ERC2: variants seen among roughly 807,000 people sequenced by gnomAD.
The protein encoded by ERC2 is ERC protein 2.
In ERC2, 42 loss-of-function variants were observed where a neutral mutation model predicts 114.8. The observed-to-expected ratio is 0.37, with a 90% CI of 0.29 to 0.47. The LOEUF (loss-of-function observed/expected upper bound fraction) is 0.47, where lower values mean the gene tolerates loss of function less well. ERC2 is among the 20% of genes least tolerant of loss of function. ERC2 has a pLI of 0.99. For synonymous variants in ERC2, 454 were observed against 425.5 expected (o/e 1.07, Z -0.82); for missense variants, 939 against 1,150.7 (o/e 0.82, Z 2.66).
chr3:56,091,467 T>TG (rs1365866216), intron 6 of ERC2, among the ~76,000 whole-genome samples: 1 of 152,136 alleles, frequency 6.6e-6, no homozygotes, highest in African/African-American at 2.4e-5. Flanking sequence ...AGGAAACATA[T>TG]GAAAAGCAAA....
chr3:56,431,109 G>A (rs541549729), intron 2 of ERC2, among the ~76,000 whole-genome samples: 2 of 152,132 alleles, frequency 1.3e-5, no homozygotes, highest in Non-Finnish European at 2.9e-5. Context: ...CACTAAATAA[G>A]ATAATGTACA....
intron 3 of ERC2, among the ~76,000 whole-genome samples, chr3:56,249,401 C>A (rs1218395198): frequency 6.6e-6 from 1 of 152,048 alleles, no homozygotes; most frequent in Non-Finnish European, 1.5e-5. Context: ...TCTCAGCTCA[C>A]TGCAAGCTCC....
chr3:56,182,504 G>A (rs1221779315), intron 3 of ERC2, among the ~76,000 whole-genome samples: 1 of 152,206 alleles, frequency 6.6e-6, no homozygotes, highest in Non-Finnish European at 1.5e-5. Context: ...TATGCGCTAA[G>A]CACTCTTTTA....
In ERC2 at chr3:56,154,607, T is replaced by C. The variant is rs184143933; in HGVS notation, c.1150-5475A>G. 1.2e-4 allele frequency among the ~76,000 whole-genome samples: 18 copies of C among 152,236 alleles called. No homozygotes were observed. In the East Asian group the frequency reaches 3.3e-3, roughly 28 times the overall value. On this transcript the variant is annotated intron_variant, in intron 4 of 17. Transcript: ENST00000288221. The stretch of plus-strand genomic sequence containing the variant: ...TCTTTGAAGTTATGATCTCCATATA[T>C]TAATTTGTTCTTGTTGTTAATGGAC...
At chr3:55,689,685 G>A (rs1035282870) in intron 16 of ERC2, among the ~76,000 whole-genome samples, 1 of 151,884 alleles carries the variant, frequency 6.6e-6, no homozygotes, top group Non-Finnish European at 1.5e-5. Context: ...AAGAAAATGA[G>A]GGGAGGCTGA....
chr3:55,643,211 A>G (rs1486722553), intron 17 of ERC2, among the ~76,000 whole-genome samples: 2 of 152,210 alleles, frequency 1.3e-5, no homozygotes, highest in Admixed American at 6.5e-5. Context: ...ATCATCATAG[A>G]TTTAGAATGC....
chr3:56,138,060 T>C (rs983054505), intron 6 of ERC2, among the ~76,000 whole-genome samples: 348 of 141,212 alleles, frequency 2.5e-3, no homozygotes, highest in African/African-American at 8.7e-3. Flanking sequence ...TCTTTTTTTT[T>C]TTTTTTTTTT....
intron 1 of ERC2, among the ~76,000 whole-genome samples, chr3:56,452,990 G>A (rs775690437): frequency 6.6e-6 from 1 of 152,044 alleles, no homozygotes; most frequent in Admixed American, 6.6e-5. Context: ...AAATAACAGC[G>A]TTAAACATCT....
intron 15 of ERC2, among the ~76,000 whole-genome samples, chr3:55,700,749 T>C (rs2063183658): frequency 6.6e-6 from 1 of 152,176 alleles, no homozygotes. Context: ...GGGTGACACG[T>C]GCCTCCTGCA....
chr3:55,833,958 TC>T (rs1357762254), intron 14 of ERC2, among the ~76,000 whole-genome samples: 2 of 151,594 alleles, frequency 1.3e-5, no homozygotes, highest in South Asian at 2.1e-4. Flanking sequence ...GGGGTTGCAA[TC>T]CTAGTCTCTG....
At chr3:55,973,948 T>C (rs1034582858) in intron 12 of ERC2, among the ~76,000 whole-genome samples, 2 of 152,144 alleles carry the variant, frequency 1.3e-5, no homozygotes, top group African/African-American at 2.4e-5. Flanking sequence ...CCAAACATTT[T>C]AATTTTAGAA....
chr3:56,095,258 T>C (rs1050549850), intron 6 of ERC2, among the ~76,000 whole-genome samples: 1 of 152,038 alleles, frequency 6.6e-6, no homozygotes, highest in Admixed American at 6.6e-5. Flanking sequence ...TATAGATATA[T>C]GAAAAAATTT....
rs77631492 is a variant in ERC2 at position 55,543,458 on chromosome 3, G to A, written c.*40-32182C>T. On this transcript the variant is annotated intron_variant, in intron 17 of 17. Transcript: ENST00000288221. ...GAGTGAGTGGCCAGGTCACTGCAGC[G>A]CTCTCCCCAGCCTGGCTCCAGTGCG... is the stretch of plus-strand genomic sequence containing the variant. Among the ~76,000 whole-genome samples, 491 of 152,322 alleles carry A rather than the reference G, an allele frequency of 3.2e-3. 1 individual carries two copies. The highest frequency in any genetic ancestry group is 6.6e-3 in the East Asian group (34 of 5,184).
chr3:56,016,091 A>T (rs2073287566), intron 8 of ERC2, among the ~76,000 whole-genome samples: 1 of 152,286 alleles, frequency 6.6e-6, no homozygotes. Context: ...AGTTCCTTGC[A>T]TATTCTGGAT....
intron 2 of ERC2, among the ~76,000 whole-genome samples, chr3:56,312,835 G>T (rs1357253807): frequency 3.3e-5 from 5 of 149,940 alleles, no homozygotes; most frequent in Non-Finnish European, 7.4e-5. Context: ...TGAATATACT[G>T]GTTCCTAATT....
chr3:56,137,570 C>T (rs1465584926), intron 6 of ERC2, among the ~76,000 whole-genome samples: 1 of 152,212 alleles, frequency 6.6e-6, no homozygotes, highest in Admixed American at 6.5e-5. Context: ...TCTATTGCAA[C>T]TGCTCGACTC....
intron 1 of ERC2, among the ~76,000 whole-genome samples, chr3:56,439,588 C>T (rs533937594): frequency 5.3e-5 from 8 of 152,260 alleles, no homozygotes; most frequent in African/African-American, 1.9e-4. Flanking sequence ...CAGTCTATTC[C>T]GTGTAGATTT....
intron 14 of ERC2, among the ~76,000 whole-genome samples, chr3:55,871,019 C>T (rs989799364): frequency 1.3e-5 from 2 of 152,200 alleles, no homozygotes; most frequent in Non-Finnish European, 2.9e-5. Context: ...AAAGTCAATT[C>T]AAGCCCAACA....
intron 13 of ERC2, among the ~76,000 whole-genome samples, chr3:55,927,649 T>C (rs2065824431): frequency 6.6e-6 from 1 of 152,230 alleles, no homozygotes; most frequent in South Asian, 2.1e-4. Flanking sequence ...TAAATTATTG[T>C]TGACTCTAGT....
Sources: gnomAD v4.1 joint callset for allele counts (sites outside exome capture counted in the v4.1 genomes callset) on GRCh38, gnomAD v4.1.1 for gene constraint, MANE v1.5 for transcripts, NCBI Gene and HGNC (gene_info 2026-07-23, HGNC 2026-07-21) for gene names.